PKHD1: variants seen among roughly 807,000 people sequenced by gnomAD.
The protein encoded by PKHD1 is fibrocystin.
In PKHD1, 291 loss-of-function variants were observed where a neutral mutation model predicts 412.0. The observed-to-expected ratio is 0.71, with a 90% CI of 0.64 to 0.78. The LOEUF (loss-of-function observed/expected upper bound fraction) is 0.78, where lower values mean the gene tolerates loss of function less well. Ranked by LOEUF, PKHD1 falls within the 30% of genes least tolerant of loss-of-function variation. The pLI is 0.00. For synonymous variants in PKHD1, 1,777 were observed against 1,821.5 expected (o/e 0.98, Z 0.62); for missense variants, 4,825 against 4,950.7 (o/e 0.97, Z 0.76).
chr6:51,869,485 T>C (rs1435210800), intron 47 of PKHD1, among the ~76,000 whole-genome samples: 2 of 152,136 alleles, frequency 1.3e-5, no homozygotes, highest in African/African-American at 4.8e-5. Context: ...ACAGAAACTA[T>C]GTGTTTTTTA....
In PKHD1 at chr6:52,066,035, C is replaced by T; in HGVS notation, c.821G>A (p.Arg274Lys). ...GTCTCCTGTAATTGTGATGTTTGTT[C>T]TTCCCCCAAGGCTCCCAGTTTCTGG... is the stretch of plus-strand genomic sequence containing the variant. ...VFPETGSLGG[R>K]TNITITGDFF... is the part of the protein sequence containing the mutation. Residue 274 changes from arginine to lysine, a missense_variant, in exon 12 of 67, where the codon AGA becomes AAA. Coordinates refer to ENST00000371117, the MANE Select transcript of PKHD1 (RefSeq NM_138694.4). 6.2e-7 allele frequency: 1 copy of T among 1,603,620 alleles called. No homozygotes were observed.
At chr6:51,912,284 C>A in intron 38 of PKHD1, 82 bp downstream of exon 38, 1 of 863,158 alleles carries the variant, frequency 1.2e-6, no homozygotes, top group Non-Finnish European at 2.0e-6. Context: ...CATTGAAAGA[C>A]CCCAATACAA....
intron 35 of PKHD1, among the ~76,000 whole-genome samples, chr6:51,969,335 G>T (rs1793308699): frequency 6.6e-6 from 1 of 152,206 alleles, no homozygotes; most frequent in Non-Finnish European, 1.5e-5. Context: ...ATGTAGCCAT[G>T]CTGACACTTT....
At chr6:51,829,927 T>C (rs1767959513) in intron 52 of PKHD1, among the ~76,000 whole-genome samples, 1 of 152,210 alleles carries the variant, frequency 6.6e-6, no homozygotes, top group Non-Finnish European at 1.5e-5. Flanking sequence ...TTAATTGTCC[T>C]GGGCCTCTGT....
At chr6:51,788,383 C>T (rs1793212976) in intron 53 of PKHD1, among the ~76,000 whole-genome samples, 1 of 151,788 alleles carries the variant, frequency 6.6e-6, no homozygotes, top group African/African-American at 2.4e-5. Flanking sequence ...TACCCAGTGC[C>T]CCAGGATGTG....
intron 60 of PKHD1, among the ~76,000 whole-genome samples, chr6:51,719,912 T>A (rs1781706031): frequency 6.6e-6 from 1 of 152,144 alleles, no homozygotes; most frequent in Non-Finnish European, 1.5e-5. Flanking sequence ...CTTTTGTGAA[T>A]GAAAAAGAAA....
At chr6:51,715,362 A>T (rs1781137945) in intron 60 of PKHD1, among the ~76,000 whole-genome samples, 1 of 152,212 alleles carries the variant, frequency 6.6e-6, no homozygotes, top group Admixed American at 6.5e-5. Flanking sequence ...AAAAATTCAA[A>T]ATATAAATTC....
rs56342114 is a variant in PKHD1 at position 52,058,771 on chromosome 6, CTCTA to C, written c.1234-174_1234-171del. Among the ~76,000 whole-genome samples the C allele has an allele frequency of 0.45, 67,557 of 149,118 alleles. 15,934 individuals carry two copies. Among genetic ancestry groups the C allele is most frequent in the Admixed American group, 0.58 (8,634 of 14,940 alleles). ...TGTGGTTATTTATGCTTCTCCAGCT[CTCTA>C]TCTATCTATCTATCTATCTATCTAT... On this transcript the variant is annotated intron_variant, in intron 15 of 66. Transcript: ENST00000371117.
chr6:51,824,721 C>T (rs1446596885), intron 52 of PKHD1, among the ~76,000 whole-genome samples: 2 of 152,140 alleles, frequency 1.3e-5, no homozygotes, highest in African/African-American at 4.8e-5. Context: ...TTAATGTCTA[C>T]CCTGAAAGAA....
At position 52,020,892 on chromosome 6, in the gene PKHD1, C is replaced by T. The variant is rs1801298293; in HGVS notation, c.5380+1909G>A. 2.9e-5 allele frequency among the ~76,000 whole-genome samples: 4 copies of T among 135,752 alleles called. No homozygotes were observed. In the Admixed American group the frequency reaches 3.2e-4, roughly 11 times the overall value. The allele number at this position is 135,752 out of a possible 152,430, so 89.1% of individuals were successfully genotyped here. On this transcript the variant is annotated intron_variant, in intron 33 of 66. Transcript: ENST00000371117. ...CCTATCCCCTTTGACATTTGATGTC[C>T]ATTATAGACCTACTTCCTAGGGAAA...
chr6:52,028,818 C>A (rs1040009714), intron 29 of PKHD1, among the ~76,000 whole-genome samples: 1 of 152,166 alleles, frequency 6.6e-6, no homozygotes, highest in African/African-American at 2.4e-5. Flanking sequence ...GGCTTAACAA[C>A]TCTTTTAACA....
intron 60 of PKHD1, among the ~76,000 whole-genome samples, chr6:51,735,458 T>G (rs1168137101): frequency 6.6e-6 from 1 of 152,236 alleles, no homozygotes; most frequent in Non-Finnish European, 1.5e-5. Flanking sequence ...TATTGCTAGT[T>G]TGTTTGGATA....
At chr6:51,988,754 G>A (rs145610918) in intron 35 of PKHD1, among the ~76,000 whole-genome samples, 8 of 152,266 alleles carry the variant, frequency 5.3e-5, no homozygotes, top group African/African-American at 1.9e-4. Context: ...ATCATTGAGG[G>A]GAAATGATGG....
chr6:51,649,064 T>G (rs546828611), intron 62 of PKHD1, 21 bp downstream of exon 62: 1 of 1,610,448 alleles, frequency 6.2e-7, no homozygotes, highest in South Asian at 1.1e-5. Flanking sequence ...AAAGACAGAT[T>G]TGTTACCTGT....
At chr6:52,026,236 T>A in intron 31 of PKHD1, 55 bp from the exon 32 acceptor site, 1 of 1,523,822 alleles carries the variant, frequency 6.6e-7, no homozygotes, top group South Asian at 1.1e-5. Context: ...GAACTAAGAA[T>A]TCATAGCACC....
intron 55 of PKHD1, among the ~76,000 whole-genome samples, chr6:51,766,825 C>T (rs1337957204): frequency 1.3e-5 from 2 of 151,888 alleles, no homozygotes; most frequent in African/African-American, 2.4e-5. Context: ...GATCATTTGT[C>T]ATCACATTTT....
At chr6:51,885,001 T>C (rs1233801500) in intron 45 of PKHD1, among the ~76,000 whole-genome samples, 1 of 152,210 alleles carries the variant, frequency 6.6e-6, no homozygotes, top group African/African-American at 2.4e-5. Context: ...TTATCTTTCT[T>C]TTATGGGATA....
chr6:51,999,291 A>G (rs1798077676), intron 35 of PKHD1, among the ~76,000 whole-genome samples: 1 of 152,002 alleles, frequency 6.6e-6, no homozygotes, highest in Admixed American at 6.6e-5. Context: ...ATTCCTCCCA[A>G]TGCTCCTGCC....
chr6:51,724,517 T>G (rs1782322040), intron 60 of PKHD1, among the ~76,000 whole-genome samples: 1 of 152,174 alleles, frequency 6.6e-6, no homozygotes, highest in Non-Finnish European at 1.5e-5. Context: ...CTCACCTCAG[T>G]AGACTGGAGC....
Sources: gnomAD v4.1 joint callset for allele counts (sites outside exome capture counted in the v4.1 genomes callset) on GRCh38, gnomAD v4.1.1 for gene constraint, MANE v1.5 for transcripts, NCBI Gene and HGNC (gene_info 2026-07-23, HGNC 2026-07-21) for gene names.